INCA1: variants seen among roughly 807,000 people sequenced by gnomAD.
INCA1 encodes the protein inhibitor of CDK, cyclin A1 interacting protein 1.
A neutral mutation model predicts 25.7 loss-of-function variants in INCA1; 28 were observed. The observed-to-expected ratio is 1.09, with a 90% CI of 0.81 to 1.49. The LOEUF (loss-of-function observed/expected upper bound fraction) is 1.49. Ranked by LOEUF, INCA1 falls within the 40% of genes most tolerant of loss-of-function variation. The probability of loss-of-function intolerance (pLI) is 0.00; values close to 1 mark genes in which losing one functional copy is unlikely to be tolerated. For synonymous variants in INCA1, 111 were observed against 103.6 expected, an observed-to-expected ratio of 1.07 and a Z score of -0.43; for missense variants, 309 against 290.9, an observed-to-expected ratio of 1.06 and a Z score of -0.45.
chr17:4,988,978 T>C lies in INCA1; in HGVS notation c.396-34A>G, dbSNP rs372713277. 28 of 1,589,068 alleles carry C rather than the reference T, an allele frequency of 1.8e-5. 1 individual carries two copies. The highest frequency in any genetic ancestry group is 9.4e-5 in the African/African-American group (7 of 74,244). On this transcript the variant is annotated intron_variant, in intron 5 of 6. Transcript: ENST00000576820. ...ACTTTAGGCTGAGGAGAGAAGTGCC[T>C]GGAGGCCAGGCTTCCTGTCTCTCCA...
At chr17:4,994,851 G>A (rs895296635) in intron 1 of INCA1, among the ~76,000 whole-genome samples, 1 of 149,472 alleles carries the variant, frequency 6.7e-6, no homozygotes, top group Non-Finnish European at 1.5e-5. Context: ...GATGAGGCCA[G>A]TAGCAGATCT....
intron 3 of INCA1, 96 bp from the exon 4 acceptor site, chr17:4,990,025 G>C: frequency 6.2e-7 from 1 of 1,612,008 alleles, no homozygotes; most frequent in East Asian, 2.2e-5. Context: ...TCTGTCATTA[G>C]GAGCTACAAT....
At chr17:4,989,506 A>G (rs754645061) in exon 5 of INCA1, 5 of 1,614,244 alleles carry the variant, frequency 3.1e-6, no homozygotes, top group Admixed American at 1.7e-5. Flanking sequence ...GACTCCCCCA[A>G]GGCCCTGCTG....
intron 3 of INCA1, 70 bp from the exon 4 acceptor site, chr17:4,989,999 C>A (rs1973742937): frequency 1.9e-6 from 3 of 1,611,444 alleles, no homozygotes; most frequent in Admixed American, 1.7e-5. Context: ...CTTTAATAAT[C>A]TCTCCCGACC....
At chr17:4,994,348 C>T (rs762548317) in intron 2 of INCA1, 46 bp downstream of exon 2, 1 of 1,571,558 alleles carries the variant, frequency 6.4e-7, no homozygotes, top group South Asian at 1.1e-5. Flanking sequence ...CATGCAATAT[C>T]CCCTCCATCC....
At chr17:4,991,460 A>T (rs1973869192) in intron 2 of INCA1, among the ~76,000 whole-genome samples, 1 of 152,184 alleles carries the variant, frequency 6.6e-6, no homozygotes, top group Non-Finnish European at 1.5e-5. Flanking sequence ...CCCCATCTCA[A>T]AAGGACTAAT....
intron 2 of INCA1, among the ~76,000 whole-genome samples, chr17:4,994,052 G>A (rs538306294): frequency 1.3e-5 from 2 of 152,124 alleles, no homozygotes; most frequent in Non-Finnish European, 2.9e-5. Flanking sequence ...GATTACAGGA[G>A]TGAGCCACCA....
At chr17:4,990,193 A>C (rs201467124) in exon 3 of INCA1, 2 of 1,614,146 alleles carry the variant, frequency 1.2e-6, no homozygotes, top group East Asian at 4.5e-5. Context: ...CATCTCCATA[A>C]CGCTGGGGCA....
intron 1 of INCA1, among the ~76,000 whole-genome samples, chr17:4,996,387 A>AG (rs910670511): frequency 9.3e-5 from 14 of 150,852 alleles, no homozygotes; most frequent in Non-Finnish European, 1.8e-4. Context: ...GTTTCTAAGA[A>AG]GAAAAAAAAA....
At chr17:4,992,468 G>A (rs4790722) in intron 2 of INCA1, among the ~76,000 whole-genome samples, 14,455 of 152,094 alleles carry the variant, frequency 0.095, 762 homozygotes, top group Middle Eastern at 0.16. Flanking sequence ...ATGTTTATCA[G>A]AGATGAGGTC....
At chr17:4,996,852 G>A (rs1974322206) in intron 1 of INCA1, 2 of 152,896 alleles carry the variant, frequency 1.3e-5, no homozygotes, top group South Asian at 4.1e-4. Flanking sequence ...GTGCGGAAGC[G>A]GCAGATGGGG....
chr17:4,989,771 T>C (rs760473307), intron 4 of INCA1, 119 bp downstream of exon 4: 4 of 1,560,644 alleles, frequency 2.6e-6, no homozygotes, highest in Non-Finnish European at 3.5e-6. Flanking sequence ...AAGGAAGGCC[T>C]GGTCAGTGCA....
At chr17:4,996,271 G>T (rs1974253128) in intron 1 of INCA1, among the ~76,000 whole-genome samples, 1 of 151,714 alleles carries the variant, frequency 6.6e-6, no homozygotes, top group African/African-American at 2.4e-5. Context: ...CTTGTACCCG[G>T]AAGGCTGAGG....
chr17:4,992,828 G>A (rs1973965800), intron 2 of INCA1, among the ~76,000 whole-genome samples: 1 of 152,028 alleles, frequency 6.6e-6, no homozygotes, highest in African/African-American at 2.4e-5. Flanking sequence ...TCCCACCTTG[G>A]CCTCCCAAAG....
At chr17:4,991,545 T>C (rs1973877492) in intron 2 of INCA1, among the ~76,000 whole-genome samples, 1 of 152,228 alleles carries the variant, frequency 6.6e-6, no homozygotes, top group Non-Finnish European at 1.5e-5. Flanking sequence ...GGCTGAATGA[T>C]GATTGCCCTC....
At position 4,991,682 on chromosome 17, in the gene INCA1, A is replaced by G. The variant is rs137979799; in HGVS notation, c.45-1417T>C. ...CAATAAGCTGATGACTCCCAAATCT[A>G]TATATCCAGCCCTGGTTCCTCTCTG... On this transcript the variant is annotated intron_variant, in intron 2 of 6. Transcript: ENST00000576820. Among the ~76,000 whole-genome samples, 759 of 152,166 alleles carry G rather than the reference A, an allele frequency of 5.0e-3. 7 individuals carry two copies. Among genetic ancestry groups the G allele is most frequent in the African/African-American group, 0.016 (678 of 41,506 alleles).
chr17:4,988,422 C>T (rs1973521474), exon 7 of INCA1: 12 of 1,606,842 alleles, frequency 7.5e-6, no homozygotes, highest in South Asian at 1.1e-5. Flanking sequence ...TCAGACGCTG[C>T]CAACTCCATC....
At chr17:4,995,274 G>A (rs1974158560) in intron 1 of INCA1, among the ~76,000 whole-genome samples, 1 of 152,192 alleles carries the variant, frequency 6.6e-6, no homozygotes, top group South Asian at 2.1e-4. Flanking sequence ...AGTGAGCACA[G>A]GAAAAGTGGA....
chr17:4,992,455 T>C (rs1973935491), intron 2 of INCA1, among the ~76,000 whole-genome samples: 1 of 151,944 alleles, frequency 6.6e-6, no homozygotes, highest in Non-Finnish European at 1.5e-5. Flanking sequence ...CTAATTCTTT[T>C]AAATGTTTAT....
Sources: allele counts gnomAD v4.1 joint callset (sites outside exome capture counted in the v4.1 genomes callset), GRCh38; gene constraint gnomAD v4.1.1; transcripts MANE v1.5; gene names NCBI Gene and HGNC (gene_info 2026-07-23, HGNC 2026-07-21).